STAG2: variants seen among roughly 807,000 people sequenced by gnomAD.
STAG2 encodes STAG2 cohesin complex component.
STAG2 carries 14 observed loss-of-function variants against 108.1 expected under a neutral mutation model. The ratio of observed to expected loss-of-function variants is 0.13; its 90% CI spans 0.09 to 0.20. The LOEUF (loss-of-function observed/expected upper bound fraction) is 0.20, where lower values mean the gene tolerates loss of function less well. Ranked by LOEUF, STAG2 falls within the 10% of genes least tolerant of loss-of-function variation. The probability of loss-of-function intolerance (pLI) is 1.00; values close to 1 mark genes in which losing one functional copy is unlikely to be tolerated. For missense variants in STAG2, 440 were observed against 940.9 expected, an observed-to-expected ratio of 0.47 and a Z score of 6.96; for synonymous variants, 307 against 302.7, an observed-to-expected ratio of 1.01 and a Z score of -0.15.
chrX:124,061,323 C>G lies in STAG2; in HGVS notation c.1516C>G (p.Pro506Ala). ...ECMNSLLLEEPLSGEEALTDR... is the reference protein window; with the variant it reads ...ECMNSLLLEEALSGEEALTDR... ...TATGAATAGCTTGTTACTGGAAGAG[C>G]CACTTAGTGGAGAGGAAGGTAAGGA... The change falls in exon 16 of 35, where the codon CCA becomes GCA. Residue 506 changes from proline to alanine, a missense_variant. Physicochemically the swap from Pro to Ala is conservative, Grantham distance 27. Coordinates refer to ENST00000371145, the MANE Select transcript of STAG2 (RefSeq NM_001042750.2). 2.5e-6 allele frequency: 3 copies of G among 1,199,095 alleles called. No individual in the cohort carries two copies. The highest frequency in any genetic ancestry group is 3.4e-6 in the Non-Finnish European group (3 of 885,155).
At chrX:124,048,811 T>A (rs1275536277) in intron 9 of STAG2, among the ~76,000 whole-genome samples, 194 bp from the exon 10 acceptor site, 1 of 111,764 alleles carries the variant, frequency 8.9e-6, no homozygotes, top group Non-Finnish European at 1.9e-5. Context: ...AATCAAATAT[T>A]TCAGGTATTA....
intron 1 of STAG2, among the ~76,000 whole-genome samples, chrX:123,973,680 A>C (rs2054480053): frequency 9.2e-6 from 1 of 108,399 alleles, no homozygotes; most frequent in Non-Finnish European, 1.9e-5. Flanking sequence ...CCCCATCTCT[A>C]CTAAAAATGC....
chrX:124,036,829 A>G (rs2148113933), intron 5 of STAG2, among the ~76,000 whole-genome samples: 1 of 111,603 alleles, frequency 9.0e-6, no homozygotes, highest in Admixed American at 9.6e-5. Context: ...TTTAAAGTGC[A>G]AATTCAGAGT....
chrX:124,011,101 A>G (rs1321563377), intron 1 of STAG2, among the ~76,000 whole-genome samples: 1 of 111,284 alleles, frequency 9.0e-6, no homozygotes, highest in African/African-American at 3.3e-5. Flanking sequence ...CAAGTCTTCT[A>G]CGTGCTTGGT....
chrX:124,068,796 T>A, intron 24 of STAG2, 140 bp downstream of exon 24: 1 of 372,319 alleles, frequency 2.7e-6, no homozygotes, highest in Non-Finnish European at 4.6e-6. Context: ...ACTAAAAAAA[T>A]AGGTTAATAT....
rs199610347 is a variant in STAG2, at chrX:124,042,561, A to C, written c.386-8A>C. 1 of 1,187,661 alleles carries C rather than the reference A, an allele frequency of 8.4e-7. No homozygotes were observed. Among genetic ancestry groups the C allele is most frequent in the East Asian group, 3.0e-5 (1 of 33,671 alleles). On this transcript the variant is annotated splice_polypyrimidine_tract_variant and splice_region_variant and intron_variant, in intron 6 of 34. Coordinates refer to ENST00000371145, the MANE Select transcript of STAG2 (RefSeq NM_001042750.2). ...CATATATTAACTTCTGACATTTGCAAATTTCAGGAGTTGTCACAGCAGAAA... is the reference window on the plus strand; with the variant it reads ...CATATATTAACTTCTGACATTTGCACATTTCAGGAGTTGTCACAGCAGAAA...
chrX:124,026,548 T>C, intron 4 of STAG2: 1 of 262,920 alleles, frequency 3.8e-6, no homozygotes, highest in Non-Finnish European at 7.8e-6. Flanking sequence ...AAAAGATAAC[T>C]TGTTTTTGTT....
chrX:124,015,425 C>T (rs1352728140), intron 1 of STAG2, among the ~76,000 whole-genome samples: 9 of 105,343 alleles, frequency 8.5e-5, no homozygotes, highest in Admixed American at 2.1e-4. Flanking sequence ...TGCTCCGTTG[C>T]CCAGTCTAGA....
chrX:123,963,598 A>G (rs2053967838), intron 1 of STAG2, among the ~76,000 whole-genome samples: 1 of 104,855 alleles, frequency 9.5e-6, no homozygotes, highest in Non-Finnish European at 1.9e-5. Flanking sequence ...TTTATGACAC[A>G]TTATGTTAAA....
chrX:123,979,065 T>G (rs1347779121), intron 1 of STAG2, among the ~76,000 whole-genome samples: 1 of 111,510 alleles, frequency 9.0e-6, no homozygotes, highest in Non-Finnish European at 1.9e-5. Flanking sequence ...TATACCCATT[T>G]TATGGATGAG....
intron 1 of STAG2, among the ~76,000 whole-genome samples, chrX:123,972,276 A>ATT (rs531396580): frequency 1.1e-5 from 1 of 91,911 alleles, no homozygotes; most frequent in Non-Finnish European, 2.2e-5. Flanking sequence ...TGTAACTATC[A>ATT]TTTTTTTTTT....
chrX:123,990,894 A>G (rs765576599), intron 1 of STAG2, among the ~76,000 whole-genome samples: 2 of 111,836 alleles, frequency 1.8e-5, no homozygotes, highest in South Asian at 7.4e-4. Context: ...TGCCTAGAAT[A>G]TTCCTGTACC....
At chrX:123,999,197 G>T (rs1476953097) in intron 1 of STAG2, among the ~76,000 whole-genome samples, 1 of 111,902 alleles carries the variant, frequency 8.9e-6, no homozygotes, top group African/African-American at 3.2e-5. Context: ...CCCCTTCAGA[G>T]TAGAGGAAGC....
intron 1 of STAG2, among the ~76,000 whole-genome samples, chrX:124,017,189 A>G (rs2056758696): frequency 1.8e-5 from 2 of 108,592 alleles, no homozygotes; most frequent in South Asian, 4.0e-4. Flanking sequence ...TTGTCTTGAG[A>G]CCACTTGGGA....
intron 13 of STAG2, among the ~76,000 whole-genome samples, chrX:124,054,775 T>G (rs902505153): frequency 1.4e-4 from 16 of 111,787 alleles, no homozygotes; most frequent in African/African-American, 5.2e-4. Context: ...TTTTTTTTGT[T>G]TTGTTTTTTA....
At chrX:124,049,589 A>C (rs2057977758) in intron 10 of STAG2, among the ~76,000 whole-genome samples, 2 of 112,242 alleles carry the variant, frequency 1.8e-5, no homozygotes, top group South Asian at 7.3e-4. Context: ...TTACTGAATC[A>C]GGTTAATGCT....
chrX:123,965,657 T>C (rs1207594433), intron 1 of STAG2, among the ~76,000 whole-genome samples: 1 of 111,881 alleles, frequency 8.9e-6, no homozygotes, highest in Non-Finnish European at 1.9e-5. Flanking sequence ...TTATAATAGA[T>C]GGCAGACTTC....
intron 19 of STAG2, 117 bp from the exon 20 acceptor site, chrX:124,063,731 C>T: frequency 2.0e-6 from 1 of 511,821 alleles, no homozygotes; most frequent in Non-Finnish European, 3.3e-6. Flanking sequence ...AAAATGTACG[C>T]TCTGTGTTGT....
intron 13 of STAG2, among the ~76,000 whole-genome samples, chrX:124,055,517 T>C (rs756818338): frequency 4.9e-4 from 55 of 112,668 alleles, no homozygotes; most frequent in African/African-American, 1.7e-3. Context: ...ATCGAAAATA[T>C]TTTGTTAGGC....
Sources: allele counts gnomAD v4.1 joint callset (sites outside exome capture counted in the v4.1 genomes callset), GRCh38; gene constraint gnomAD v4.1.1; transcripts MANE v1.5; gene names NCBI Gene and HGNC (gene_info 2026-07-23, HGNC 2026-07-21).